The following SLC14A2 variants were observed in gnomAD, a reference collection of about 807,000 sequenced individuals.
SLC14A2 encodes the protein urea transporter 2.
SLC14A2 carries 91 observed loss-of-function variants against 104.6 expected under a neutral mutation model. The ratio of observed to expected loss-of-function variants is 0.87; its 90% CI spans 0.73 to 1.04. The LOEUF (loss-of-function observed/expected upper bound fraction) is 1.04, where lower values mean the gene tolerates loss of function less well. SLC14A2 is among the 50% of genes least tolerant of loss of function. SLC14A2 has a pLI of 0.00. For missense variants in SLC14A2, 1,189 were observed against 1,156.0 expected (o/e 1.03, Z -0.41); for synonymous variants, 476 against 466.4 (o/e 1.02, Z -0.27).
chr18:45,227,721 G>A (rs933075562), intron 1 of SLC14A2, among the ~76,000 whole-genome samples: 2 of 152,150 alleles, frequency 1.3e-5, no homozygotes, highest in African/African-American at 2.4e-5. Flanking sequence ...TGGAGAACTG[G>A]TGGGAGAAAA....
intron 2 of SLC14A2, among the ~76,000 whole-genome samples, chr18:45,568,954 T>C (rs1004782990): frequency 7.9e-5 from 12 of 152,206 alleles, no homozygotes; most frequent in Non-Finnish European, 1.6e-4. Context: ...AGAAGAGGAA[T>C]GTATTGTAAG....
At chr18:45,677,351 C>G (rs183717486) in intron 18 of SLC14A2, among the ~76,000 whole-genome samples, 2 of 152,214 alleles carry the variant, frequency 1.3e-5, no homozygotes, top group Non-Finnish European at 2.9e-5. Context: ...GAGTCCCACT[C>G]AGGCCATCTG....
intron 1 of SLC14A2, among the ~76,000 whole-genome samples, chr18:45,272,581 G>A (rs1351474722): frequency 1.3e-5 from 2 of 152,026 alleles, no homozygotes; most frequent in South Asian, 2.1e-4. Flanking sequence ...GACATAGAAA[G>A]TAAAATGATG....
At chr18:45,294,375 C>G (rs992835557) in intron 1 of SLC14A2, among the ~76,000 whole-genome samples, 1 of 152,064 alleles carries the variant, frequency 6.6e-6, no homozygotes, top group Non-Finnish European at 1.5e-5. Flanking sequence ...TTTATATATC[C>G]TTTGTCAATT....
intron 1 of SLC14A2, among the ~76,000 whole-genome samples, chr18:45,298,144 T>TA (rs1568140877): frequency 6.8e-6 from 1 of 146,392 alleles, no homozygotes; most frequent in African/African-American, 2.5e-5. Context: ...AAGCATCTTT[T>TA]TAAAAAAATA....
chr18:45,582,829 T>C (rs2144364065), intron 2 of SLC14A2, among the ~76,000 whole-genome samples: 1 of 152,258 alleles, frequency 6.6e-6, no homozygotes, highest in East Asian at 1.9e-4. Flanking sequence ...ATTTCAAAGT[T>C]ACCCACCCCC....
intron 3 of SLC14A2, among the ~76,000 whole-genome samples, chr18:45,626,304 TCTTTC>T (rs1446313531): frequency 6.6e-6 from 1 of 152,154 alleles, no homozygotes; most frequent in African/African-American, 2.4e-5. Context: ...GCTTCAGGAT[TCTTTC>T]CTTTTAACTT....
intron 10 of SLC14A2, among the ~76,000 whole-genome samples, chr18:45,650,190 G>T (rs1363565620): frequency 2.0e-5 from 3 of 151,866 alleles, no homozygotes; most frequent in Non-Finnish European, 4.4e-5. Context: ...CCAGGCCAGT[G>T]ATTTAGGTCC....
intron 15 of SLC14A2, 90 bp downstream of exon 15, chr18:45,668,567 T>C: frequency 7.0e-7 from 1 of 1,421,976 alleles, no homozygotes; most frequent in Non-Finnish European, 9.8e-7. Context: ...AAACGTGATA[T>C]TAAAGTGGCA....
intron 2 of SLC14A2, among the ~76,000 whole-genome samples, chr18:45,508,039 C>T (rs1280698130): frequency 6.6e-6 from 1 of 152,212 alleles, no homozygotes; most frequent in Non-Finnish European, 1.5e-5. Flanking sequence ...CTCTGCTTAT[C>T]TCAAAGGTAA....
intron 1 of SLC14A2, among the ~76,000 whole-genome samples, chr18:45,418,481 T>G (rs562053669): frequency 2.0e-5 from 3 of 152,138 alleles, no homozygotes; most frequent in African/African-American, 7.2e-5. Context: ...AGGAGTGAAG[T>G]AGGAGACATA....
intron 2 of SLC14A2, among the ~76,000 whole-genome samples, chr18:45,573,135 C>CAACT: frequency 6.6e-6 from 1 of 152,174 alleles, no homozygotes; most frequent in Non-Finnish European, 1.5e-5. Flanking sequence ...AGTGTTCTTT[C>CAACT]AACTAATAGA....
chr18:45,423,212 G>A (rs1344481349), intron 1 of SLC14A2, among the ~76,000 whole-genome samples: 2 of 152,164 alleles, frequency 1.3e-5, no homozygotes, highest in Non-Finnish European at 2.9e-5. Flanking sequence ...CGTCCTTACA[G>A]GGACCCGAAC....
upstream of SLC14A2, among the ~76,000 whole-genome samples, chr18:45,211,773 G>C (rs956348148): frequency 1.3e-5 from 2 of 152,078 alleles, no homozygotes; most frequent in Non-Finnish European, 2.9e-5. Context: ...TACATTTTCT[G>C]TACAAAAAGA....
Position 45,233,409 on chromosome 18 carries a change from A to T in SLC14A2, c.-125+20218A>T, listed in dbSNP as rs192547272. On this transcript the variant is annotated intron_variant, in intron 1 of 20. Coordinates refer to the SLC14A2 transcript ENST00000586448. ...ATTATGTGACTCTTTGACCCTGATGAATGTGTTGTCTTTTTCTCTTGATAT... is the reference window on the plus strand; with the variant it reads ...ATTATGTGACTCTTTGACCCTGATGTATGTGTTGTCTTTTTCTCTTGATAT... 1.7e-4 allele frequency among the ~76,000 whole-genome samples: 26 copies of T among 152,258 alleles called. No individual in the cohort carries two copies. The East Asian group carries it at 4.4e-3, about 26-fold the overall frequency.
At chr18:45,228,685 A>G (rs980974782) in intron 1 of SLC14A2, among the ~76,000 whole-genome samples, 2 of 152,188 alleles carry the variant, frequency 1.3e-5, no homozygotes, top group African/African-American at 4.8e-5. Context: ...TGTCTCCACA[A>G]GGTCCTCTCT....
intron 1 of SLC14A2, among the ~76,000 whole-genome samples, chr18:45,301,208 T>C (rs1019533687): frequency 4.8e-4 from 73 of 152,214 alleles, no homozygotes; most frequent in African/African-American, 1.6e-3. Flanking sequence ...TGAGGCTCAG[T>C]GAGGACGAGG....
the SLC14A2 span, among the ~76,000 whole-genome samples, chr18:45,196,009 A>G: frequency 6.6e-6 from 1 of 152,200 alleles, no homozygotes; most frequent in African/African-American, 2.4e-5. Context: ...ATGGACAGAA[A>G]AAGGAGACTG....
intron 1 of SLC14A2, among the ~76,000 whole-genome samples, chr18:45,475,653 A>T (rs56094012): frequency 0.019 from 783 of 41,926 alleles, 1 homozygote; most frequent in South Asian, 0.027. Context: ...ATATATATAT[A>T]TATATATATA....
Sources: allele counts gnomAD v4.1 joint callset (sites outside exome capture counted in the v4.1 genomes callset), GRCh38; gene constraint gnomAD v4.1.1; transcripts MANE v1.5; gene names NCBI Gene and HGNC (gene_info 2026-07-23, HGNC 2026-07-21).